The following NAV2 variants were observed in gnomAD, a reference collection of about 807,000 sequenced individuals.
NAV2 encodes the protein neuron navigator 2.
A neutral mutation model predicts 223.2 loss-of-function variants in NAV2; 54 were observed. The ratio of observed to expected loss-of-function variants is 0.24; its 90% confidence interval spans 0.19 to 0.30. The LOEUF is 0.30. Ranked by LOEUF, NAV2 falls within the 10% of genes least tolerant of loss-of-function variation. The pLI, the probability that NAV2 is intolerant of heterozygous loss-of-function variation, is 1.00. For missense variants in NAV2, 2,806 were observed against 3,147.5 expected (o/e 0.89, Z 2.60); for synonymous variants, 1,279 against 1,239.3 (o/e 1.03, Z -0.67).
chr11:19,968,848 C>T (rs1001373996), intron 10 of NAV2, among the ~76,000 whole-genome samples: 4 of 152,184 alleles, frequency 2.6e-5, no homozygotes, highest in African/African-American at 9.7e-5. Flanking sequence ...GGCGACTTCT[C>T]AGCCTGTCTT....
rs200083334 is a variant in NAV2 at position 19,777,405 on chromosome 11, C to CTT, written c.268-55067_268-55066dup. On this transcript the variant is annotated intron_variant, in intron 1 of 37. Transcript: ENST00000349880. ...CCGGGCGCGCGGGCAGGTGCTTCGG[C>CTT]TTTTTTTTTTTTTCCCCTCCTCCTT... 5.5e-3 allele frequency: 2,271 copies of CTT among 409,312 alleles called. 3 individuals carry two copies. The highest frequency in any genetic ancestry group is 0.018 in the Middle Eastern group (38 of 2,070). The allele number at this position is 409,312 out of a possible 1,614,324, so 25.4% of individuals were successfully genotyped here.
At chr11:20,049,431 G>A in intron 15 of NAV2, 1 of 542,366 alleles carries the variant, frequency 1.8e-6, no homozygotes, top group East Asian at 3.0e-5. Context: ...TCTCTCGGGG[G>A]CAGATTTATG....
intron 6 of NAV2, among the ~76,000 whole-genome samples, chr11:19,925,143 G>A (rs2044625171): frequency 6.6e-6 from 1 of 152,116 alleles, no homozygotes; most frequent in East Asian, 1.9e-4. Context: ...TTTTTGTTGA[G>A]TTGGAAGAGT....
intron 8 of NAV2, among the ~76,000 whole-genome samples, chr11:19,941,063 T>C (rs1198720445): frequency 1.3e-5 from 2 of 152,118 alleles, no homozygotes; most frequent in African/African-American, 2.4e-5. Flanking sequence ...GTGTGGCCCG[T>C]GGAGCAGTGT....
chr11:20,119,821 G>GA lies in NAV2; in HGVS notation c.*1574dup, dbSNP rs113739584. The GA allele has an allele frequency of 2.7e-4, 38 of 142,152 alleles. No individual in the cohort carries two copies. Among genetic ancestry groups the GA allele is most frequent in the Middle Eastern group, 3.6e-3 (1 of 274 alleles). 8.8% of individuals were successfully genotyped at this position (142,152 alleles called of 1,614,324 possible). A position where few individuals can be genotyped will look rare whatever the true frequency, so the allele number is the denominator to read the frequency against. On this transcript the variant is annotated 3_prime_UTR_variant, in exon 38 of 38. Transcript: ENST00000349880. ...TGTGGATGCGTGACCATGGGAAAAA[G>GA]AAAAAAAAAAAGATCCATTTTTTAG...
intron 1 of NAV2, among the ~76,000 whole-genome samples, chr11:19,553,016 A>C (rs928290961): frequency 1.3e-5 from 2 of 152,218 alleles, no homozygotes. Flanking sequence ...AAAGGAAGGC[A>C]GGTTTTGCAG....
chr11:19,690,689 C>G (rs1250807112), intron 1 of NAV2, among the ~76,000 whole-genome samples: 1 of 152,176 alleles, frequency 6.6e-6, no homozygotes, highest in African/African-American at 2.4e-5. Flanking sequence ...AAACAAAACC[C>G]TCCCTAGGAT....
chr11:19,961,296 A>T (rs1299214862), intron 10 of NAV2, among the ~76,000 whole-genome samples: 2 of 152,024 alleles, frequency 1.3e-5, no homozygotes. Flanking sequence ...AGTTGAAAAT[A>T]CCCTTCCCAG....
At chr11:19,471,449 G>A (rs569987016) in intron 1 of NAV2, among the ~76,000 whole-genome samples, 97 of 152,210 alleles carry the variant, frequency 6.4e-4, no homozygotes, top group African/African-American at 2.1e-3. Flanking sequence ...CCTCTGTGCC[G>A]GCCATGTGGT....
At chr11:19,707,537 C>G (rs1310579500) in intron 1 of NAV2, among the ~76,000 whole-genome samples, 1 of 152,182 alleles carries the variant, frequency 6.6e-6, no homozygotes, top group African/African-American at 2.4e-5. Context: ...GGCAAAAACA[C>G]ATATGGAGCT....
chr11:19,685,541 G>A (rs920490709), intron 1 of NAV2, among the ~76,000 whole-genome samples: 1 of 152,118 alleles, frequency 6.6e-6, no homozygotes, highest in Non-Finnish European at 1.5e-5. Flanking sequence ...GGGTTCCCAT[G>A]CACTTAAATT....
At chr11:19,890,116 AC>A (rs768277418) in intron 5 of NAV2, among the ~76,000 whole-genome samples, 1 of 152,214 alleles carries the variant, frequency 6.6e-6, no homozygotes, top group Non-Finnish European at 1.5e-5. Flanking sequence ...TTACAGCTAT[AC>A]CCAATGGTAT....
At chr11:19,916,569 C>T (rs956869848) in intron 6 of NAV2, among the ~76,000 whole-genome samples, 1 of 152,212 alleles carries the variant, frequency 6.6e-6, no homozygotes, top group African/African-American at 2.4e-5. Flanking sequence ...CTTATGCATG[C>T]ATTCACTCAC....
intron 3 of NAV2, among the ~76,000 whole-genome samples, chr11:19,864,682 G>T (rs1022251360): frequency 6.6e-6 from 1 of 152,204 alleles, no homozygotes; most frequent in East Asian, 1.9e-4. Flanking sequence ...GGACTGTTGA[G>T]AAACTAAACT....
intron 1 of NAV2, among the ~76,000 whole-genome samples, chr11:19,479,163 T>G (rs2133985561): frequency 6.6e-6 from 1 of 152,152 alleles, no homozygotes; most frequent in South Asian, 2.1e-4. Context: ...CTAAAGAAAC[T>G]TCTCTGACAG....
chr11:19,405,398 C>T (rs1465369950), intron 1 of NAV2, among the ~76,000 whole-genome samples: 1 of 152,212 alleles, frequency 6.6e-6, no homozygotes, highest in African/African-American at 2.4e-5. Context: ...TCGTCTTCCC[C>T]TTCATGATAA....
At chr11:20,066,351 G>T (rs1021126414) in intron 20 of NAV2, among the ~76,000 whole-genome samples, 1 of 152,190 alleles carries the variant, frequency 6.6e-6, no homozygotes, top group Non-Finnish European at 1.5e-5. Flanking sequence ...GGAAGATTGA[G>T]CTCTGAAGAC....
chr11:20,062,262 C>T (rs1198218887), intron 19 of NAV2, 45 bp from the exon 20 acceptor site: 1 of 1,484,484 alleles, frequency 6.7e-7, no homozygotes, highest in East Asian at 2.3e-5. Context: ...TTTTTGGTTC[C>T]ATAACAGCCA....
chr11:19,890,263 T>C (rs148120182), intron 5 of NAV2, among the ~76,000 whole-genome samples: 11 of 152,290 alleles, frequency 7.2e-5, no homozygotes, highest in African/African-American at 2.6e-4. Context: ...ATTCTATCCA[T>C]TACACCATGC....
Sources: gnomAD v4.1 joint callset for allele counts (sites outside exome capture counted in the v4.1 genomes callset) on GRCh38, gnomAD v4.1.1 for gene constraint, MANE v1.5 for transcripts, NCBI Gene and HGNC (gene_info 2026-07-23, HGNC 2026-07-21) for gene names.